APLF: variants seen among roughly 807,000 people sequenced by gnomAD.
APLF encodes aprataxin and PNK-like factor.
Under a neutral mutation model 55.6 loss-of-function variants are expected in APLF, and 61 were observed. The observed-to-expected ratio is 1.10, with a 90% CI of 0.89 to 1.36. The LOEUF (loss-of-function observed/expected upper bound fraction) is 1.36. APLF is among the 40% of genes most tolerant of loss of function. The pLI, the probability that APLF is intolerant of heterozygous loss-of-function variation, is 0.00. For missense variants in APLF, 611 were observed against 602.5 expected (o/e 1.01, Z -0.15); for synonymous variants, 207 against 214.8 (o/e 0.96, Z 0.32).
chr2:68,565,789 G>T (rs61304641), intron 8 of APLF, among the ~76,000 whole-genome samples: 11,692 of 152,008 alleles, frequency 0.077, 1,309 homozygotes, highest in African/African-American at 0.25. Flanking sequence ...AAAGCAGTTG[G>T]ATACATTTTT....
chr2:68,542,595 T>C (rs1332233588), intron 7 of APLF, among the ~76,000 whole-genome samples: 7 of 152,092 alleles, frequency 4.6e-5, no homozygotes, highest in African/African-American at 1.7e-4. Context: ...CATAACCACA[T>C]TGAGATATCA....
rs1676294138 is a variant in APLF, at chr2:68,489,658, C to CT, written c.97-530dup. Among the ~76,000 whole-genome samples the CT allele has an allele frequency of 2.0e-5, 3 of 152,200 alleles. No individual in the cohort carries two copies. In the South Asian group the frequency reaches 6.2e-4, roughly 32 times the overall value. ...ATTCCCCTTCTTGCCTTCCTGAACT[C>CT]TTAACTGCTGCTGATGGCCCCAGAG... On this transcript the variant is annotated intron_variant, in intron 1 of 9. Transcript: ENST00000303795.
intron 5 of APLF, among the ~76,000 whole-genome samples, chr2:68,517,437 A>ATATATATTACTATATATTAATATATC (rs1558538684): frequency 8.5e-6 from 1 of 118,338 alleles, no homozygotes; most frequent in African/African-American, 4.6e-5. Flanking sequence ...TAATATATCT[A>ATATATATTACTATATATTAATATATC]TATATGTTAT....
At chr2:68,512,540 C>T (rs1312419135) in intron 3 of APLF, among the ~76,000 whole-genome samples, 1 of 151,834 alleles carries the variant, frequency 6.6e-6, no homozygotes, top group Non-Finnish European at 1.5e-5. Context: ...GTTCTGCTGG[C>T]ATGTCCCACA....
chr2:68,497,513 T>G (rs944287144), intron 2 of APLF, among the ~76,000 whole-genome samples: 4 of 152,114 alleles, frequency 2.6e-5, no homozygotes, highest in African/African-American at 9.7e-5. Flanking sequence ...CCACCATGAT[T>G]GAAAGTTTCC....
At chr2:68,548,584 C>T (rs1237583960) in intron 8 of APLF, among the ~76,000 whole-genome samples, 1 of 151,778 alleles carries the variant, frequency 6.6e-6, no homozygotes, top group Non-Finnish European at 1.5e-5. Flanking sequence ...AATTCTTTTC[C>T]AAAGAATCAT....
chr2:68,535,921 A>G (rs1670372948), intron 6 of APLF, among the ~76,000 whole-genome samples: 1 of 152,172 alleles, frequency 6.6e-6, no homozygotes. Context: ...TTCTAAGATA[A>G]TTACTTGTGG....
chr2:68,556,262 G>A lies in APLF; in HGVS notation c.1286+10950G>A, dbSNP rs183971174. On this transcript the variant is annotated intron_variant, in intron 8 of 9. Coordinates refer to ENST00000303795, the MANE Select transcript of APLF (RefSeq NM_173545.3). Reference sequence around the variant, plus strand: ...AAATTGGGTGCAGTGTATGCTGCTCGGGTGATGGGTGCACCAAAATCTCAC... The same window carrying A: ...AAATTGGGTGCAGTGTATGCTGCTCAGGTGATGGGTGCACCAAAATCTCAC... Among the ~76,000 whole-genome samples the A allele has an allele frequency of 2.8e-3, 426 of 152,174 alleles. 1 individual carries two copies. Among genetic ancestry groups the A allele is most frequent in the Non-Finnish European group, 5.0e-3 (342 of 67,988 alleles).
intron 3 of APLF, among the ~76,000 whole-genome samples, chr2:68,512,435 C>G (rs560769818): frequency 6.6e-6 from 1 of 151,768 alleles, no homozygotes; most frequent in Non-Finnish European, 1.5e-5. Flanking sequence ...TTCGAAAAGA[C>G]AAATTCGTTG....
At chr2:68,513,778 T>C (rs1394382210) in intron 5 of APLF, 98 bp downstream of exon 5, 38 of 1,357,554 alleles carry the variant, frequency 2.8e-5, no homozygotes, top group Middle Eastern at 2.0e-4. Context: ...TCTATAGAGA[T>C]AGAGTAGAGG....
chr2:68,495,433 A>C (rs1676514986), intron 2 of APLF, among the ~76,000 whole-genome samples: 3 of 152,186 alleles, frequency 2.0e-5, no homozygotes, highest in Admixed American at 2.0e-4. Context: ...GTAATCTTTG[A>C]CTCTGTGTCC....
rs1315257780 is a variant in APLF at position 68,578,297 on chromosome 2, T to C, written c.*275T>C. On this transcript the variant is annotated 3_prime_UTR_variant, in exon 10 of 10. Transcript: ENST00000303795. ...AAAAATGGATATTTTTTATGTACTT[T>C]GTATATTGGTAATAAAAAGTAAAAG... The C allele has an allele frequency of 6.3e-6, 7 of 1,117,286 alleles. No individual in the cohort carries two copies. The highest frequency in any genetic ancestry group is 1.6e-5 in the African/African-American group (1 of 60,832). 69.2% of individuals were successfully genotyped at this position (1,117,286 alleles called of 1,614,324 possible). A position where few individuals can be genotyped will look rare whatever the true frequency, so the allele number is the denominator to read the frequency against.
At chr2:68,483,016 G>T (rs991516242) in intron 1 of APLF, among the ~76,000 whole-genome samples, 4 of 151,674 alleles carry the variant, frequency 2.6e-5, no homozygotes, top group African/African-American at 9.8e-5. Flanking sequence ...CAGGCTCTCA[G>T]TAACTGGAGT....
In APLF at chr2:68,579,120, C is replaced by T; in HGVS notation, c.*1098C>T. On this transcript the variant is annotated 3_prime_UTR_variant, in exon 10 of 10. Coordinates refer to ENST00000303795, the MANE Select transcript of APLF (RefSeq NM_173545.3). ...CTTTGTTAAATGCTATTATTTTCTA[C>T]TCTAAAGGAACCTAAAAATTTATAT... is the stretch of plus-strand genomic sequence containing the variant. 3 of 939,418 alleles carry T rather than the reference C, an allele frequency of 3.2e-6. No homozygotes were observed. The highest frequency in any genetic ancestry group is 3.8e-6 in the Non-Finnish European group (3 of 788,384). The allele number at this position is 939,418 out of a possible 1,614,324, so 58.2% of individuals were successfully genotyped here.
intron 1 of APLF, among the ~76,000 whole-genome samples, chr2:68,482,554 A>G (rs758403491): frequency 2.0e-5 from 3 of 152,050 alleles, no homozygotes; most frequent in Non-Finnish European, 4.4e-5. Flanking sequence ...TCTCAGGCTG[A>G]GGGTGCTGGT....
intron 1 of APLF, among the ~76,000 whole-genome samples, chr2:68,475,189 GT>G (rs1430536607): frequency 1.3e-5 from 2 of 152,130 alleles, no homozygotes; most frequent in African/African-American, 2.4e-5. Flanking sequence ...CTTTCCTTAT[GT>G]CTTTACTTAC....
At chr2:68,504,638 A>T (rs1181879465) in intron 3 of APLF, among the ~76,000 whole-genome samples, 1 of 151,994 alleles carries the variant, frequency 6.6e-6, no homozygotes, top group Non-Finnish European at 1.5e-5. Flanking sequence ...CAAAAAACCT[A>T]TTAGTGAAAT....
chr2:68,572,672 C>T (rs1671501323), intron 9 of APLF, among the ~76,000 whole-genome samples: 2 of 148,950 alleles, frequency 1.3e-5, no homozygotes, highest in African/African-American at 2.6e-5. Flanking sequence ...CACATCTCTA[C>T]AAAAAATAAA....
intron 8 of APLF, among the ~76,000 whole-genome samples, chr2:68,566,814 T>C (rs1285038385): frequency 6.6e-6 from 1 of 152,152 alleles, no homozygotes; most frequent in East Asian, 1.9e-4. Context: ...AATATGTTTT[T>C]TTTGTTTGAC....
Sources: gnomAD v4.1 joint callset for allele counts (sites outside exome capture counted in the v4.1 genomes callset) on GRCh38, gnomAD v4.1.1 for gene constraint, MANE v1.5 for transcripts, NCBI Gene and HGNC (gene_info 2026-07-23, HGNC 2026-07-21) for gene names.